Variants in DOCK7 observed in about 807,000 individuals in gnomAD.
DOCK7 encodes dedicator of cytokinesis protein 7.
A neutral mutation model predicts 271.0 loss-of-function variants in DOCK7; 138 were observed. The ratio of observed to expected loss-of-function variants is 0.51; its 90% CI spans 0.44 to 0.59. The LOEUF (loss-of-function observed/expected upper bound fraction) is 0.59, where lower values mean the gene tolerates loss of function less well. Ranked by LOEUF, DOCK7 falls within the 20% of genes least tolerant of loss-of-function variation. DOCK7 has a pLI of 0.00. For missense variants in DOCK7, 2,066 were observed against 2,592.4 expected (o/e 0.80, Z 4.41); for synonymous variants, 823 against 876.1 (o/e 0.94, Z 1.07).
At chr1:62,670,382 A>C (rs1197818394) in intron 1 of DOCK7, among the ~76,000 whole-genome samples, 1 of 149,274 alleles carries the variant, frequency 6.7e-6, no homozygotes. Context: ...GAGAGTCTTT[A>C]TATCTAGCTC....
Position 62,535,643 on chromosome 1 carries a change from G to A in DOCK7, c.3472-11C>T. 6.2e-7 allele frequency: 1 copy of A among 1,611,804 alleles called. No individual in the cohort carries two copies. Among genetic ancestry groups the A allele is most frequent in the Non-Finnish European group, 8.5e-7 (1 of 1,178,862 alleles). On this transcript the variant is annotated splice_polypyrimidine_tract_variant and intron_variant, in intron 28 of 49. Transcript: ENST00000635253. ...AGAAAATCCAGAACTCTGTTGGAAAGTGAGGCAGAACAAGACTATAACAGC... is the reference window on the plus strand; with the variant it reads ...AGAAAATCCAGAACTCTGTTGGAAAATGAGGCAGAACAAGACTATAACAGC...
At chr1:62,555,783 T>C (rs1646121518) in intron 21 of DOCK7, 42 bp downstream of exon 21, 1 of 1,579,560 alleles carries the variant, frequency 6.3e-7, no homozygotes, top group Non-Finnish European at 8.6e-7. Context: ...CATGAACATA[T>C]AATTTATGAA....
chr1:62,648,047 A>C, intron 6 of DOCK7, 59 bp downstream of exon 6: 1 of 1,506,966 alleles, frequency 6.6e-7, no homozygotes, highest in Non-Finnish European at 9.2e-7. Flanking sequence ...TATATCAATC[A>C]TAATCCCAAA....
chr1:62,623,913 A>G (rs1234133691), intron 12 of DOCK7, among the ~76,000 whole-genome samples: 2 of 152,200 alleles, frequency 1.3e-5, no homozygotes, highest in African/African-American at 2.4e-5. Context: ...GGTCCATTCA[A>G]TTGAGGTCTA....
chr1:62,669,922 G>A (rs994221679), intron 1 of DOCK7, among the ~76,000 whole-genome samples: 15 of 152,090 alleles, frequency 9.9e-5, no homozygotes, highest in Admixed American at 3.9e-4. Context: ...GGCTGTGTGC[G>A]GCACTTGCGG....
intron 4 of DOCK7, among the ~76,000 whole-genome samples, chr1:62,652,718 C>G (rs1657537716): frequency 6.6e-6 from 1 of 152,160 alleles, no homozygotes; most frequent in South Asian, 2.1e-4. Flanking sequence ...TTATAGGTTT[C>G]TAACATATAT....
At chr1:62,591,441 C>A (rs1199710166) in intron 14 of DOCK7, among the ~76,000 whole-genome samples, 1 of 151,968 alleles carries the variant, frequency 6.6e-6, no homozygotes. Flanking sequence ...GTACAACTAA[C>A]CCCTGTAACA....
rs1242756151 is a variant in DOCK7, at chr1:62,505,890, T to A, written c.4477-74A>T. The A allele has an allele frequency of 4.1e-5, 60 of 1,452,134 alleles. 1 individual carries two copies. The Admixed American group carries it at 1.4e-3, about 33-fold the overall frequency. 90.0% of individuals were successfully genotyped at this position (1,452,134 alleles called of 1,614,324 possible). The stretch of plus-strand genomic sequence containing the variant: ...GTTATGGATGTTACAGGCCTCCCTA[T>A]GTATAAATAAAGGCCTCCCTGTATG... On this transcript the variant is annotated intron_variant, in intron 35 of 49. Coordinates refer to ENST00000635253, the MANE Select transcript of DOCK7 (RefSeq NM_001367561.1).
At chr1:62,491,274 A>G (rs1262520267) in intron 41 of DOCK7, among the ~76,000 whole-genome samples, 1 of 152,208 alleles carries the variant, frequency 6.6e-6, no homozygotes, top group East Asian at 1.9e-4. Context: ...ACAGCAGTAG[A>G]AATGGGGAAA....
At chr1:62,482,989 T>C (rs1337035792) in intron 43 of DOCK7, 4 of 152,058 alleles carry the variant, frequency 2.6e-5, no homozygotes, top group Admixed American at 6.6e-5. Flanking sequence ...ATCATCTACA[T>C]AGTAAATATT....
At chr1:62,662,490 C>T (rs1658774611) in intron 2 of DOCK7, among the ~76,000 whole-genome samples, 2 of 152,078 alleles carry the variant, frequency 1.3e-5, no homozygotes, top group South Asian at 2.1e-4. Flanking sequence ...GGGCCGGACG[C>T]GGTGGCTCAC....
chr1:62,663,152 C>T (rs754827574), intron 1 of DOCK7, 22 bp from the exon 2 acceptor site: 51 of 1,382,104 alleles, frequency 3.7e-5, no homozygotes, highest in Non-Finnish European at 4.7e-5. Flanking sequence ...AAAGCAAAAA[C>T]ATACGCATTA....
chr1:62,522,415 T>A (rs1289722583), intron 31 of DOCK7, among the ~76,000 whole-genome samples: 1 of 152,094 alleles, frequency 6.6e-6, no homozygotes, highest in African/African-American at 2.4e-5. Flanking sequence ...TAAACAACAT[T>A]AAAAGACCAA....
chr1:62,524,990 T>C (rs1008742408), intron 31 of DOCK7, among the ~76,000 whole-genome samples: 1 of 144,604 alleles, frequency 6.9e-6, no homozygotes, highest in African/African-American at 2.6e-5. Flanking sequence ...AATGCAAACT[T>C]AGACGGTAAA....
chr1:62,479,680 AT>A, intron 43 of DOCK7: 1 of 341,890 alleles, frequency 2.9e-6, no homozygotes. Context: ...TTTTTTATTT[AT>A]TTTTAGTTTT....
At chr1:62,494,193 A>G in intron 40 of DOCK7, 82 bp downstream of exon 40, 1 of 1,276,926 alleles carries the variant, frequency 7.8e-7, no homozygotes, top group Non-Finnish European at 1.0e-6. Context: ...CTTATAAACT[A>G]AAAAAATCTA....
intron 37 of DOCK7, among the ~76,000 whole-genome samples, chr1:62,502,878 A>G (rs1237217008): frequency 6.6e-6 from 1 of 152,208 alleles, no homozygotes; most frequent in African/African-American, 2.4e-5. Context: ...TGGATCACAA[A>G]GCAAAACTCA....
intron 7 of DOCK7, among the ~76,000 whole-genome samples, chr1:62,643,161 G>C (rs1185112814): frequency 6.6e-6 from 1 of 152,114 alleles, no homozygotes; most frequent in Non-Finnish European, 1.5e-5. Flanking sequence ...ATATAAAAGA[G>C]AGACTCCTAG....
At chr1:62,465,938 T>G (rs778047754) in intron 48 of DOCK7, among the ~76,000 whole-genome samples, 41 of 152,160 alleles carry the variant, frequency 2.7e-4, no homozygotes, top group Non-Finnish European at 5.3e-4. Context: ...AGATTAATGA[T>G]TTGAGAAAAA....
Sources: gnomAD v4.1 joint callset for allele counts (sites outside exome capture counted in the v4.1 genomes callset) on GRCh38, gnomAD v4.1.1 for gene constraint, MANE v1.5 for transcripts, NCBI Gene and HGNC (gene_info 2026-07-23, HGNC 2026-07-21) for gene names.